HP1BP3: variants seen among roughly 807,000 people sequenced by gnomAD.
HP1BP3 encodes the protein heterochromatin protein 1-binding protein 3.
Under a neutral mutation model 62.5 loss-of-function variants are expected in HP1BP3, and 12 were observed. That is an observed-to-expected ratio of 0.19 (90% confidence interval 0.12 to 0.31). The LOEUF (loss-of-function observed/expected upper bound fraction) is 0.31. HP1BP3 is among the 10% of genes least tolerant of loss of function. The probability of loss-of-function intolerance (pLI) is 1.00; values close to 1 mark genes in which losing one functional copy is unlikely to be tolerated. For missense variants in HP1BP3, 502 were observed against 651.8 expected (o/e 0.77, Z 2.50); for synonymous variants, 260 against 237.8 (o/e 1.09, Z -0.86).
At chr1:20,778,853 G>C (rs1488534067) in intron 3 of HP1BP3, among the ~76,000 whole-genome samples, 1 of 150,848 alleles carries the variant, frequency 6.6e-6, no homozygotes, top group African/African-American at 2.4e-5. Flanking sequence ...ACAATGGCGT[G>C]ATCTCAGCTC....
intron 1 of HP1BP3, among the ~76,000 whole-genome samples, chr1:20,781,440 C>G (rs1348321042): frequency 6.6e-6 from 1 of 152,110 alleles, no homozygotes; most frequent in Non-Finnish European, 1.5e-5. Flanking sequence ...TAGGATAAAT[C>G]CGGAAGATTG....
chr1:20,748,173 A>G (rs551469643), intron 10 of HP1BP3, among the ~76,000 whole-genome samples: 2 of 152,344 alleles, frequency 1.3e-5, no homozygotes, highest in South Asian at 4.1e-4. Context: ...AAAACTAAGT[A>G]TTTAATTATT....
chr1:20,762,992 G>A (rs1480392895), intron 8 of HP1BP3, among the ~76,000 whole-genome samples: 2 of 152,286 alleles, frequency 1.3e-5, no homozygotes, highest in East Asian at 3.9e-4. Flanking sequence ...GGATGGCTTC[G>A]TGAATGGCTT....
At chr1:20,774,574 ACCT>A (rs2057214518) in intron 4 of HP1BP3, 1 of 151,592 alleles carries the variant, frequency 6.6e-6, no homozygotes, top group African/African-American at 2.4e-5. Flanking sequence ...GGAACTGAAA[ACCT>A]CCTATTACCT....
At chr1:20,748,391 T>A (rs538067214) in intron 10 of HP1BP3, among the ~76,000 whole-genome samples, 1 of 152,328 alleles carries the variant, frequency 6.6e-6, no homozygotes, top group South Asian at 2.1e-4. Flanking sequence ...AAAAAACAGC[T>A]GCAAATATCA....
chr1:20,763,919 T>G (rs1170275422), intron 8 of HP1BP3, among the ~76,000 whole-genome samples: 1 of 152,192 alleles, frequency 6.6e-6, no homozygotes, highest in Non-Finnish European at 1.5e-5. Context: ...ATATATGTTT[T>G]TTGAGACTGA....
In HP1BP3 at chr1:20,776,656, C is replaced by T; in HGVS notation, c.291G>A (p.Lys97=). The T allele has an allele frequency of 6.2e-7, 1 of 1,613,998 alleles. No homozygotes were observed. The highest frequency in any genetic ancestry group is 8.5e-7 in the Non-Finnish European group (1 of 1,179,918). The change falls in exon 4 of 13, where the codon AAG becomes AAA. Residue 97 remains lysine, a synonymous_variant. Coordinates refer to ENST00000438032, the MANE Select transcript of HP1BP3 (RefSeq NM_001372052.1). ...PATSSEAEQP[K]GEPENEEKEE... is the part of the protein sequence containing the mutation. ...CCTTCTCTTCATTCTCAGGTTCCCC[C>T]TTTGGCTGCTCTGCCTCACTCGAAG...
chr1:20,786,962 TGAG>T (rs1261644852), intron 1 of HP1BP3, among the ~76,000 whole-genome samples: 1 of 151,364 alleles, frequency 6.6e-6, no homozygotes, highest in Non-Finnish European at 1.5e-5. Flanking sequence ...GGAGGGCCCC[TGAG>T]GAGGAGTCCA....
chr1:20,767,505 G>A, intron 7 of HP1BP3, 79 bp downstream of exon 7: 3 of 948,922 alleles, frequency 3.2e-6, no homozygotes, highest in Non-Finnish European at 5.1e-6. Flanking sequence ...CAGGCACACA[G>A]CAAACACTCA....
At position 20,743,178 on chromosome 1, in the gene HP1BP3, T is replaced by C. The variant is rs866103683; in HGVS notation, c.*1619A>G. 6.6e-6 allele frequency: 1 copy of C among 152,176 alleles called. No homozygotes were observed. The highest frequency in any genetic ancestry group is 1.5e-5 in the Non-Finnish European group (1 of 67,950). 9.4% of individuals were successfully genotyped at this position (152,176 alleles called of 1,614,324 possible). On this transcript the variant is annotated 3_prime_UTR_variant, in exon 13 of 13. Coordinates refer to ENST00000438032, the MANE Select transcript of HP1BP3 (RefSeq NM_001372052.1). ...CACTTGCTTGATATCAAAAGTGCTG[T>C]GGAAAGAAAGGAGGGGAAAAAAACC...
chr1:20,744,572 C>T lies in HP1BP3; in HGVS notation c.*225G>A, dbSNP rs558978097. On this transcript the variant is annotated 3_prime_UTR_variant, in exon 13 of 13. Transcript: ENST00000438032. ...ATACATTACATAGTTTAGGAAAGTC[C>T]AGGATTATTGCAGAAATTAAAATGA... is the stretch of plus-strand genomic sequence containing the variant. The T allele has an allele frequency of 3.8e-6, 2 of 519,538 alleles. No individual in the cohort carries two copies. Among genetic ancestry groups the T allele is most frequent in the Non-Finnish European group, 6.8e-6 (2 of 295,400 alleles). 32.2% of individuals were successfully genotyped at this position (519,538 alleles called of 1,614,324 possible).
In HP1BP3 at chr1:20,780,285, G is replaced by A. The variant is rs949375106; in HGVS notation, c.96+60C>T. The A allele has an allele frequency of 3.6e-5, 44 of 1,211,064 alleles. No individual in the cohort carries two copies. The Admixed American group carries it at 5.2e-4, about 14-fold the overall frequency. The allele number at this position is 1,211,064 out of a possible 1,614,324, so 75.0% of individuals were successfully genotyped here. ...AGGAACATGTACCAAGAAGGACCCAGCAGGGCCTGAAGTCAGGGATTGATC... is the reference window on the plus strand; with the variant it reads ...AGGAACATGTACCAAGAAGGACCCAACAGGGCCTGAAGTCAGGGATTGATC... On this transcript the variant is annotated intron_variant, in intron 2 of 12. Coordinates refer to ENST00000438032, the MANE Select transcript of HP1BP3 (RefSeq NM_001372052.1).
intron 8 of HP1BP3, among the ~76,000 whole-genome samples, chr1:20,764,770 G>C (rs2056685773): frequency 6.6e-6 from 1 of 151,554 alleles, no homozygotes; most frequent in South Asian, 2.1e-4. Context: ...CAGCTATTCG[G>C]AGGCTGTGGC....
chr1:20,771,717 ATACT>A (rs1557664693), intron 5 of HP1BP3, among the ~76,000 whole-genome samples: 1 of 152,200 alleles, frequency 6.6e-6, no homozygotes, highest in Non-Finnish European at 1.5e-5. Context: ...AAGGCAGCAA[ATACT>A]TAATTTTTTT....
chr1:20,763,480 A>G (rs1164224602), intron 8 of HP1BP3, among the ~76,000 whole-genome samples: 8 of 152,180 alleles, frequency 5.3e-5, no homozygotes, highest in Admixed American at 3.3e-4. Context: ...TGGCTTCTGG[A>G]CTGAAACCTC....
At chr1:20,751,836 A>C (rs2055777445) in intron 9 of HP1BP3, among the ~76,000 whole-genome samples, 2 of 152,222 alleles carry the variant, frequency 1.3e-5, no homozygotes, top group African/African-American at 4.8e-5. Flanking sequence ...ATATGCAAAA[A>C]GGGAAAAGGA....
chr1:20,780,025 G>A, intron 2 of HP1BP3, 114 bp from the exon 3 acceptor site: 1 of 728,678 alleles, frequency 1.4e-6, no homozygotes, highest in Non-Finnish European at 2.2e-6. Context: ...TCGACTCCAG[G>A]ATCTGATGCA....
rs137890738 is a variant in HP1BP3, at chr1:20,750,502, C to T, written c.982-620G>A. Among the ~76,000 whole-genome samples, 774 of 150,858 alleles carry T rather than the reference C, an allele frequency of 5.1e-3. 7 individuals are homozygous for T. The highest frequency in any genetic ancestry group is 0.018 in the African/African-American group (740 of 40,966). On this transcript the variant is annotated intron_variant, in intron 9 of 12. Transcript: ENST00000438032. ...AAATCATGCCACTGAACTCCAGCCT[C>T]GGCGACAGAGTAAGATTCTGTCTAA... is the stretch of plus-strand genomic sequence containing the variant.
At chr1:20,776,971 C>G (rs1454712519) in intron 3 of HP1BP3, among the ~76,000 whole-genome samples, 1 of 151,966 alleles carries the variant, frequency 6.6e-6, no homozygotes, top group Admixed American at 6.6e-5. Flanking sequence ...AAAAATAGAC[C>G]AGGAAATTAC....
Sources: allele counts gnomAD v4.1 joint callset (sites outside exome capture counted in the v4.1 genomes callset), GRCh38; gene constraint gnomAD v4.1.1; transcripts MANE v1.5; gene names NCBI Gene and HGNC (gene_info 2026-07-23, HGNC 2026-07-21).